DOCK10: variants seen among roughly 807,000 people sequenced by gnomAD.
The protein encoded by DOCK10 is dedicator of cytokinesis 10.
DOCK10 carries 145 observed loss-of-function variants against 280.1 expected under a neutral mutation model. That is an observed-to-expected ratio of 0.52 (90% CI 0.45 to 0.59). The LOEUF is 0.59. Among genes scored for constraint, DOCK10 ranks in the 20% least tolerant of loss-of-function variants. DOCK10 has a pLI of 0.00. For missense variants in DOCK10, 2,368 were observed against 2,651.7 expected (o/e 0.89, Z 2.35); for synonymous variants, 915 against 942.2 (o/e 0.97, Z 0.53).
intron 2 of DOCK10, among the ~76,000 whole-genome samples, chr2:224,918,999 T>C (rs2125956518): frequency 7.0e-6 from 1 of 143,460 alleles, no homozygotes; most frequent in Non-Finnish European, 1.5e-5. Context: ...TAAGTGTATG[T>C]GTATGTGTGA....
At chr2:224,811,662 A>G (rs1417428691) in intron 31 of DOCK10, among the ~76,000 whole-genome samples, 5 of 152,158 alleles carry the variant, frequency 3.3e-5, no homozygotes, top group Non-Finnish European at 5.9e-5. Flanking sequence ...TGATTTTTGT[A>G]TAAGGTGTAA....
At chr2:224,928,365 A>C (rs1363268810) in intron 2 of DOCK10, among the ~76,000 whole-genome samples, 1 of 152,252 alleles carries the variant, frequency 6.6e-6, no homozygotes, top group Non-Finnish European at 1.5e-5. Context: ...ACAAGAGGTC[A>C]AGGAATGGTG....
chr2:224,804,034 C>T, intron 39 of DOCK10, 78 bp downstream of exon 39: 2 of 686,350 alleles, frequency 2.9e-6, no homozygotes, highest in East Asian at 2.8e-5. Flanking sequence ...GTGTGTGTGT[C>T]TACCCCTGAC....
chr2:224,856,819 G>A, intron 15 of DOCK10, 41 bp downstream of exon 15: 3 of 1,529,414 alleles, frequency 2.0e-6, no homozygotes, highest in Non-Finnish European at 2.7e-6. Context: ...AAATCAACAT[G>A]GCTGATTTAT....
At chr2:224,890,344 C>T (rs1699582968) in intron 4 of DOCK10, among the ~76,000 whole-genome samples, 1 of 152,160 alleles carries the variant, frequency 6.6e-6, no homozygotes, top group East Asian at 1.9e-4. Context: ...AAACTAGTAA[C>T]GATGTAAAAA....
At chr2:225,009,751 G>A (rs1406389816) in intron 1 of DOCK10, among the ~76,000 whole-genome samples, 1 of 152,126 alleles carries the variant, frequency 6.6e-6, no homozygotes, top group African/African-American at 2.4e-5. Context: ...ACTGGCCACT[G>A]GAAAGACTTG....
intron 52 of DOCK10, 46 bp downstream of exon 52, chr2:224,774,859 G>T: frequency 6.5e-7 from 1 of 1,532,068 alleles, no homozygotes; most frequent in Non-Finnish European, 8.9e-7. Flanking sequence ...AAAGGGGCCT[G>T]TGCTGGAACA....
intron 1 of DOCK10, among the ~76,000 whole-genome samples, chr2:224,995,094 G>C (rs1160758312): frequency 6.6e-6 from 1 of 152,190 alleles, no homozygotes. Context: ...TTTCTCCACA[G>C]GGTTGCTTGG....
intron 1 of DOCK10, among the ~76,000 whole-genome samples, chr2:224,937,982 T>C (rs1702783878): frequency 6.6e-6 from 1 of 152,170 alleles, no homozygotes; most frequent in South Asian, 2.1e-4. Context: ...AACATCTCTG[T>C]GGCAAATCCC....
At chr2:225,014,082 T>TATATA (rs143161746) in intron 1 of DOCK10, among the ~76,000 whole-genome samples, 473 of 45,640 alleles carry the variant, frequency 0.01, 6 homozygotes, top group East Asian at 0.072. Context: ...TCTGAATATA[T>TATATA]TGTTTTTTTT....
At chr2:224,844,985 G>A in intron 21 of DOCK10, 146 bp from the exon 22 acceptor site, 1 of 800,260 alleles carries the variant, frequency 1.2e-6, no homozygotes, top group Non-Finnish European at 2.0e-6. Context: ...AATACATTTA[G>A]CACTATTGGT....
intron 2 of DOCK10, among the ~76,000 whole-genome samples, chr2:224,929,031 T>C (rs936852543): frequency 2.0e-5 from 3 of 152,254 alleles, no homozygotes; most frequent in Non-Finnish European, 2.9e-5. Flanking sequence ...CCAGCATGGC[T>C]GATCCTTCTT....
In DOCK10 at chr2:225,035,576, ATATATATATAT is replaced by A. The variant is rs1559986929; in HGVS notation, c.123+6665_123+6675del. Among the ~76,000 whole-genome samples, 361 of 97,048 alleles carry A rather than the reference ATATATATATAT, an allele frequency of 3.7e-3. 14 individuals are homozygous for A. The highest frequency in any genetic ancestry group is 0.016 in the African/African-American group (344 of 21,716). The allele number at this position is 97,048 out of a possible 152,430, so 63.7% of individuals were successfully genotyped here. On this transcript the variant is annotated intron_variant, in intron 1 of 55. Coordinates refer to ENST00000258390, the MANE Select transcript of DOCK10 (RefSeq NM_014689.3). ...TATATATATATATATATATATATAT[ATATATATATAT>A]AACACTGAATCAGTGTTAATTGTGT...
intron 1 of DOCK10, among the ~76,000 whole-genome samples, chr2:224,996,629 G>GA (rs1293577058): frequency 5.3e-5 from 8 of 152,142 alleles, no homozygotes; most frequent in East Asian, 1.9e-4. Flanking sequence ...TGGCTACTGC[G>GA]AAAATCAAAT....
intron 27 of DOCK10, among the ~76,000 whole-genome samples, chr2:224,825,484 CA>C (rs1374170212): frequency 6.6e-6 from 1 of 152,184 alleles, no homozygotes. Context: ...AATTCACCTA[CA>C]AAAAGCAACA....
chr2:224,832,866 C>T (rs1299113070), intron 26 of DOCK10, among the ~76,000 whole-genome samples: 1 of 152,196 alleles, frequency 6.6e-6, no homozygotes, highest in African/African-American at 2.4e-5. Flanking sequence ...CTGTTCACGT[C>T]TGATGACAGA....
chr2:225,015,713 T>C (rs1167181238), intron 1 of DOCK10, among the ~76,000 whole-genome samples: 1 of 152,200 alleles, frequency 6.6e-6, no homozygotes, highest in Non-Finnish European at 1.5e-5. Context: ...AATACCCCAG[T>C]CTGCTTCTAG....
At chr2:224,823,383 G>A (rs13431331) in intron 28 of DOCK10, 118 bp downstream of exon 28, 206,281 of 806,196 alleles carry the variant, frequency 0.26, 31,377 homozygotes, top group African/African-American at 0.61. Context: ...GTTTTCATCT[G>A]ACAGTGCTAG....
intron 1 of DOCK10, among the ~76,000 whole-genome samples, chr2:224,990,483 C>T (rs570741780): frequency 4.6e-5 from 7 of 152,128 alleles, no homozygotes; most frequent in Admixed American, 3.3e-4. Context: ...GGTCCAGTAC[C>T]AAACACATGG....
Sources: allele counts gnomAD v4.1 joint callset (sites outside exome capture counted in the v4.1 genomes callset), GRCh38; gene constraint gnomAD v4.1.1; transcripts MANE v1.5; gene names NCBI Gene and HGNC (gene_info 2026-07-23, HGNC 2026-07-21).